Variants in SPDYE14 observed in about 807,000 individuals in gnomAD.
The protein encoded by SPDYE14 is speedy/RINGO cell cycle regulator family member E14, also known as speedy protein E14.
the SPDYE14 span, among the ~76,000 whole-genome samples, chr7:75,279,458 TTTTTTTTTTGAGACGGAGTCTCAC>T: frequency 8.3e-6 from 1 of 120,630 alleles, no homozygotes; most frequent in African/African-American, 3.2e-5. Flanking sequence ...AGCTATTTTT[TTTTTTTTTTGAGACGGAGTCTCAC>T]TCTTGTAGCC....
chr7:75,260,002 G>T, the SPDYE14 span, among the ~76,000 whole-genome samples: 2 of 29,600 alleles, frequency 6.8e-5, 1 homozygote, highest in Admixed American at 9.2e-4. Flanking sequence ...CCCAAACAGA[G>T]TGAGTGGGTA....
the SPDYE14 span, among the ~76,000 whole-genome samples, chr7:75,275,104 G>C: frequency 8.4e-4 from 47 of 55,968 alleles, 7 homozygotes; most frequent in African/African-American, 2.0e-3. Context: ...GGAGGGAGGT[G>C]GGGGGGTCAG....
the SPDYE14 span, among the ~76,000 whole-genome samples, chr7:75,268,950 T>C: frequency 3.7e-5 from 1 of 27,114 alleles, no homozygotes; most frequent in Non-Finnish European, 1.1e-4. Context: ...TTTGGGAAGC[T>C]GAGGTGGGCA....
the SPDYE14 span, among the ~76,000 whole-genome samples, chr7:75,241,702 T>TTTTTA: frequency 3.0e-5 from 1 of 33,680 alleles, no homozygotes; most frequent in Non-Finnish European, 7.1e-5. Flanking sequence ...TATATTTTTT[T>TTTTTA]TTTTTTTTTT....
the SPDYE14 span, among the ~76,000 whole-genome samples, chr7:75,268,078 C>A: frequency 4.8e-5 from 1 of 21,012 alleles, no homozygotes; most frequent in Middle Eastern, 0.01. Flanking sequence ...TCTGCAGAAT[C>A]TTGTCTGTAC....
At chr7:75,265,801 G>A in the SPDYE14 span, among the ~76,000 whole-genome samples, 15 of 15,968 alleles carry the variant, frequency 9.4e-4, 4 homozygotes, top group African/African-American at 1.9e-3. Context: ...TCCATCCTGG[G>A]CAACATAGCA....
At chr7:75,275,742 A>T in the SPDYE14 span, among the ~76,000 whole-genome samples, 33 of 20,224 alleles carry the variant, frequency 1.6e-3, 5 homozygotes, top group African/African-American at 3.4e-3. Context: ...AATAAATTAA[A>T]AAAAAAAAAA....
the SPDYE14 span, among the ~76,000 whole-genome samples, chr7:75,247,558 A>G: frequency 5.6e-5 from 5 of 89,626 alleles, no homozygotes; most frequent in African/African-American, 1.5e-4. Flanking sequence ...GGAAAATAGG[A>G]CATGACATTA....
the SPDYE14 span, among the ~76,000 whole-genome samples, chr7:75,241,680 AAT>A: frequency 7.1e-4 from 14 of 19,754 alleles, no homozygotes; most frequent in African/African-American, 1.6e-3. Flanking sequence ...AAAAAAAAAA[AAT>A]ATATATATAT....
At chr7:75,279,523 C>T in the SPDYE14 span, among the ~76,000 whole-genome samples, 3 of 56,186 alleles carry the variant, frequency 5.3e-5, no homozygotes, top group Admixed American at 7.6e-4. Context: ...ATGATCTTGG[C>T]TCACTGCAAG....
the SPDYE14 span, among the ~76,000 whole-genome samples, chr7:75,241,733 C>T: frequency 5.6e-5 from 1 of 17,862 alleles, no homozygotes; most frequent in East Asian, 6.7e-3. Flanking sequence ...CTTGCTCTGT[C>T]ACCCAGGGTA....
At chr7:75,272,870 A>G in the SPDYE14 span, among the ~76,000 whole-genome samples, 1 of 38,380 alleles carries the variant, frequency 2.6e-5, no homozygotes, top group Non-Finnish European at 7.1e-5. Context: ...TGGGCGACAG[A>G]GTGAAACTGT....
chr7:75,275,034 C>T, the SPDYE14 span, among the ~76,000 whole-genome samples: 7 of 52,802 alleles, frequency 1.3e-4, 2 homozygotes, highest in Admixed American at 7.4e-4. Context: ...CCCAGCCAGC[C>T]GCCCCGTCCG....
the SPDYE14 span, among the ~76,000 whole-genome samples, chr7:75,267,728 T>TTTTATTTA: frequency 0.13 from 14,077 of 107,178 alleles, 556 homozygotes; most frequent in African/African-American, 0.2. Flanking sequence ...GTCTGCATGA[T>TTTTATTTA]TTTATTTATT....
At chr7:75,251,510 C>CTG in the SPDYE14 span, among the ~76,000 whole-genome samples, 382 of 55,492 alleles carry the variant, frequency 6.9e-3, 44 homozygotes, top group African/African-American at 0.035. Context: ...CTAATTTTGT[C>CTG]TGTGTGTGTG....
the SPDYE14 span, among the ~76,000 whole-genome samples, chr7:75,279,677 C>T: frequency 1.4e-4 from 7 of 50,978 alleles, 1 homozygote; most frequent in African/African-American, 3.6e-4. Flanking sequence ...CTCCTGATCT[C>T]GTGATCCACC....
chr7:75,278,088 G>T, the SPDYE14 span, among the ~76,000 whole-genome samples: 1 of 56,726 alleles, frequency 1.8e-5, no homozygotes, highest in African/African-American at 4.2e-5. Context: ...AGCAGGGCCA[G>T]GGGAGTGGAG....
the SPDYE14 span, among the ~76,000 whole-genome samples, chr7:75,255,116 CTCTTTCTTTCTT>C: frequency 4.7e-5 from 1 of 21,216 alleles, no homozygotes; most frequent in African/African-American, 1.2e-4. Context: ...TTCTTTCTTT[CTCTTTCTTTCTT>C]TCTTTCTTTC....
At chr7:75,273,783 T>C in the SPDYE14 span, among the ~76,000 whole-genome samples, 2 of 55,530 alleles carry the variant, frequency 3.6e-5, 1 homozygote, top group African/African-American at 8.5e-5. Context: ...GTTTGACATA[T>C]GAATTTTGGA....
Sources: allele counts gnomAD v4.1 joint callset (sites outside exome capture counted in the v4.1 genomes callset), GRCh38; gene constraint gnomAD v4.1.1; transcripts MANE v1.5; gene names NCBI Gene and HGNC (gene_info 2026-07-23, HGNC 2026-07-21).